Variants in MEGF6 observed in about 807,000 individuals in gnomAD.
MEGF6 encodes multiple EGF like domains 6.
MEGF6 carries 184 observed loss-of-function variants against 207.1 expected under a neutral mutation model. That is an observed-to-expected ratio of 0.89 (90% CI 0.79 to 1.00). The LOEUF is 1.00. Among genes scored for constraint, MEGF6 ranks in the 50% least tolerant of loss-of-function variants. The pLI is 0.00. For missense variants in MEGF6, 2,282 were observed against 2,202.9 expected (o/e 1.04, Z -0.72); for synonymous variants, 1,038 against 910.0 (o/e 1.14, Z -2.53).
chr1:3,594,034 C>A lies in MEGF6; in HGVS notation c.376+1304G>T, dbSNP rs1175737869. The stretch of plus-strand genomic sequence containing the variant: ...TGCATGCTTCCTGTGTGAGAAGAGC[C>A]CCTGCGGCTCCAGGCAACTACCCGC... On this transcript the variant is annotated intron_variant, in intron 3 of 36. Transcript: ENST00000356575. This position sits in a 1 kb window ranked among gnomAD's most constrained non-coding sequence, Gnocchi z 4.2. 6.6e-6 allele frequency among the ~76,000 whole-genome samples: 1 copy of A among 152,184 alleles called. No individual in the cohort carries two copies. The highest frequency in any genetic ancestry group is 6.5e-5 in the Admixed American group (1 of 15,284).
In MEGF6 at chr1:3,591,667, T is replaced by G. The variant is rs1190641816; in HGVS notation, c.376+3671A>C. Among the ~76,000 whole-genome samples the G allele has an allele frequency of 1.0e-2, 1,381 of 138,514 alleles. 12 individuals are homozygous for G. Among genetic ancestry groups the G allele is most frequent in the South Asian group, 0.028 (110 of 3,900 alleles). The allele number at this position is 138,514 out of a possible 152,430, so 90.9% of individuals were successfully genotyped here. On this transcript the variant is annotated intron_variant, in intron 3 of 36. Transcript: ENST00000356575. Reference sequence around the variant, plus strand: ...GTCTCAGAGCTCACAAGGGACCTGATGGGGGCGCCAGCGAGGCAGCTGGTG... The same window carrying G: ...GTCTCAGAGCTCACAAGGGACCTGAGGGGGGCGCCAGCGAGGCAGCTGGTG...
chr1:3,579,744 G>A lies in MEGF6; in HGVS notation c.481+81C>T, dbSNP rs1405709873. 39 of 995,690 alleles carry A rather than the reference G, an allele frequency of 3.9e-5. 1 individual carries two copies. In the East Asian group the frequency reaches 9.6e-4, roughly 25 times the overall value. 61.7% of individuals were successfully genotyped at this position (995,690 alleles called of 1,614,324 possible). On this transcript the variant is annotated intron_variant, in intron 4 of 36. Coordinates refer to ENST00000356575, the MANE Select transcript of MEGF6 (RefSeq NM_001409.4). ...TCCCCTACACAGCTGTGCTGGGGAC[G>A]GCCAGTGGCCGACACATCCTCGCCC...
chr1:3,542,880 G>A (rs1469437849), intron 4 of MEGF6, among the ~76,000 whole-genome samples: 3 of 152,038 alleles, frequency 2.0e-5, no homozygotes, highest in Non-Finnish European at 4.4e-5. Flanking sequence ...TGAGCTCGGG[G>A]CCAGGCAGCC....
chr1:3,524,610 A>G (rs1359273206), intron 4 of MEGF6, among the ~76,000 whole-genome samples: 1 of 152,220 alleles, frequency 6.6e-6, no homozygotes, highest in African/African-American at 2.4e-5. Context: ...CAACCGCTCC[A>G]CCAGGACCCA....
the MEGF6 span, among the ~76,000 whole-genome samples, chr1:3,617,091 A>C: frequency 1.3e-5 from 2 of 149,930 alleles, no homozygotes; most frequent in African/African-American, 2.5e-5. Flanking sequence ...CAACCCTCCA[A>C]CCCCGGACAC....
At chr1:3,585,810 T>TG (rs1643885388) in intron 3 of MEGF6, among the ~76,000 whole-genome samples, 1 of 133,102 alleles carries the variant, frequency 7.5e-6, no homozygotes, top group African/African-American at 2.9e-5. Context: ...ACATGTCCTG[T>TG]TGTGGGTGTG....
chr1:3,564,589 C>CCAG (rs1213430298), intron 4 of MEGF6, among the ~76,000 whole-genome samples: 3 of 152,148 alleles, frequency 2.0e-5, no homozygotes, highest in Admixed American at 6.5e-5. Context: ...GGCCACCAGC[C>CCAG]CAGCCCTGGC....
Position 3,496,636 on chromosome 1 carries a change from G to A in MEGF6, c.3742+19C>T. ...GACACAGGAGGCGCCACTCAGCACT[G>A]CTGCCACCAGCCACTCACTGAGGTT... On this transcript the variant is annotated intron_variant, in intron 29 of 36. Coordinates refer to ENST00000356575, the MANE Select transcript of MEGF6 (RefSeq NM_001409.4). 6.4e-7 allele frequency: 1 copy of A among 1,570,092 alleles called. No homozygotes were observed. Among genetic ancestry groups the A allele is most frequent in the Non-Finnish European group, 8.6e-7 (1 of 1,158,684 alleles).
rs1363546719 is a variant in MEGF6, at chr1:3,581,597, CTG to C, written c.377-1670_377-1669del. Among the ~76,000 whole-genome samples the C allele has an allele frequency of 3.3e-5, 5 of 152,336 alleles. No individual in the cohort carries two copies. The East Asian group carries it at 9.6e-4, about 29-fold the overall frequency. On this transcript the variant is annotated intron_variant, in intron 3 of 36. Coordinates refer to ENST00000356575, the MANE Select transcript of MEGF6 (RefSeq NM_001409.4). ...TTGTGCAACTGCAGCAGCAAGCCAG[CTG>C]TGTTTAGTTCCCACCATGAGGAAGG...
intron 2 of MEGF6, among the ~76,000 whole-genome samples, chr1:3,601,509 C>T (rs1435459327): frequency 6.6e-6 from 1 of 152,208 alleles, no homozygotes; most frequent in Non-Finnish European, 1.5e-5. Flanking sequence ...GATCCCTGAA[C>T]CTCAGCCCTC....
chr1:3,515,713 G>A (rs959557908), intron 5 of MEGF6, among the ~76,000 whole-genome samples, 186 bp from the exon 6 acceptor site: 1 of 152,204 alleles, frequency 6.6e-6, no homozygotes, highest in Non-Finnish European at 1.5e-5. Context: ...CGGCTCACAG[G>A]CCTGGTTTTG....
intron 4 of MEGF6, among the ~76,000 whole-genome samples, chr1:3,534,580 G>T (rs550920257): frequency 6.6e-6 from 1 of 152,304 alleles, no homozygotes; most frequent in East Asian, 1.9e-4. Flanking sequence ...CAACAAACGT[G>T]GGAGTGGGAG....
intron 4 of MEGF6, among the ~76,000 whole-genome samples, chr1:3,553,061 C>T (rs1642932917): frequency 1.3e-5 from 2 of 152,166 alleles, no homozygotes; most frequent in Non-Finnish European, 1.5e-5. Flanking sequence ...GGCCAGGGGC[C>T]TCAAAGGTAA....
At chr1:3,592,242 G>A (rs1302338497) in intron 3 of MEGF6, among the ~76,000 whole-genome samples, 1 of 152,214 alleles carries the variant, frequency 6.6e-6, no homozygotes, top group Admixed American at 6.5e-5. Flanking sequence ...GGCAGCTTGA[G>A]GAAGGGCCTG....
intron 1 of MEGF6, among the ~76,000 whole-genome samples, chr1:3,608,912 G>A (rs1211196222): frequency 6.6e-6 from 1 of 152,184 alleles, no homozygotes; most frequent in Non-Finnish European, 1.5e-5. Flanking sequence ...CCAGGGATGG[G>A]GCAAAGCACC....
At chr1:3,546,671 G>GCCA (rs1642718535) in intron 4 of MEGF6, among the ~76,000 whole-genome samples, 1 of 145,288 alleles carries the variant, frequency 6.9e-6, no homozygotes, top group Non-Finnish European at 1.5e-5. Flanking sequence ...CAGGGAGGCC[G>GCCA]AGGTGGGGTG....
intron 3 of MEGF6, among the ~76,000 whole-genome samples, chr1:3,592,561 C>T (rs1020640259): frequency 2.6e-5 from 4 of 152,166 alleles, no homozygotes; most frequent in Admixed American, 6.5e-5. Context: ...CCCCAGGACT[C>T]GGCAGCAGCT....
intron 4 of MEGF6, among the ~76,000 whole-genome samples, chr1:3,571,439 T>TC (rs1395544203): frequency 2.0e-5 from 3 of 150,986 alleles, no homozygotes; most frequent in Non-Finnish European, 2.9e-5. Context: ...AGTAAGGACA[T>TC]CCCCCCCAGA....
rs1200132877 is a variant in MEGF6, at chr1:3,518,763, G to A, written c.605-3236C>T. The stretch of plus-strand genomic sequence containing the variant: ...ATGGTTTCTAGATCTTGAGTCTCCT[G>A]CCACGTGTGGTCAGTAGTCACCCAC... On this transcript the variant is annotated intron_variant, in intron 5 of 36. Coordinates refer to ENST00000356575, the MANE Select transcript of MEGF6 (RefSeq NM_001409.4). Among the ~76,000 whole-genome samples, 3 of 152,236 alleles carry A rather than the reference G, an allele frequency of 2.0e-5. No individual in the cohort carries two copies. In the East Asian group the frequency reaches 5.8e-4, roughly 29 times the overall value.
Sources: gnomAD v4.1 joint callset for allele counts (sites outside exome capture counted in the v4.1 genomes callset) on GRCh38, gnomAD v4.1.1 for gene constraint, Gnocchi (gnomAD v3.1) non-coding constraint, MANE v1.5 for transcripts, NCBI Gene and HGNC (gene_info 2026-07-23, HGNC 2026-07-21) for gene names.